MAGI2: variants seen among roughly 807,000 people sequenced by gnomAD.
The protein encoded by MAGI2 is membrane associated guanylate kinase, WW and PDZ domain containing 2, also known as membrane-associated guanylate kinase, WW and PDZ domain-containing protein 2.
In MAGI2, 35 loss-of-function variants were observed where a neutral mutation model predicts 133.3. The observed-to-expected ratio is 0.26, with a 90% CI of 0.20 to 0.35. MAGI2 has a LOEUF of 0.35. MAGI2 is among the 10% of genes least tolerant of loss of function. MAGI2 has a pLI of 1.00. For missense variants in MAGI2, 1,636 were observed against 1,863.4 expected, an observed-to-expected ratio of 0.88 and a Z score of 2.25; for synonymous variants, 729 against 710.6, an observed-to-expected ratio of 1.03 and a Z score of -0.41.
At chr7:79,055,353 C>T (rs187351137) in intron 1 of MAGI2, among the ~76,000 whole-genome samples, 13 of 151,702 alleles carry the variant, frequency 8.6e-5, no homozygotes, top group Non-Finnish European at 2.9e-5. Flanking sequence ...ATAATATGTA[C>T]TCAATTGATA....
intron 1 of MAGI2, among the ~76,000 whole-genome samples, chr7:79,170,943 C>T (rs1273834232): frequency 6.6e-6 from 1 of 152,064 alleles, no homozygotes; most frequent in Non-Finnish European, 1.5e-5. Flanking sequence ...TTTTACAAAA[C>T]AGTTACCTAA....
intron 6 of MAGI2, among the ~76,000 whole-genome samples, chr7:78,408,126 CTTCTG>C (rs1269120253): frequency 6.6e-6 from 1 of 151,920 alleles, no homozygotes; most frequent in Non-Finnish European, 1.5e-5. Flanking sequence ...TCTTCTATTT[CTTCTG>C]TAAGAATATT....
At chr7:78,573,064 T>TATATATAC (rs1801710756) in intron 3 of MAGI2, among the ~76,000 whole-genome samples, 1 of 96,566 alleles carries the variant, frequency 1.0e-5, no homozygotes, top group Non-Finnish European at 2.0e-5. Context: ...TATATATATA[T>TATATATAC]ATATATATAT....
At chr7:79,203,611 C>T (rs750607364) in intron 1 of MAGI2, among the ~76,000 whole-genome samples, 8 of 151,858 alleles carry the variant, frequency 5.3e-5, no homozygotes, top group Non-Finnish European at 1.0e-4. Flanking sequence ...TAGGCATTCA[C>T]TCCTGAAAAA....
At chr7:79,394,625 A>G (rs187691403) in intron 1 of MAGI2, among the ~76,000 whole-genome samples, 2 of 152,342 alleles carry the variant, frequency 1.3e-5, no homozygotes, top group African/African-American at 4.8e-5. Flanking sequence ...TGTCTCATAT[A>G]TGCAGCCAAC....
At chr7:78,435,077 T>A (rs928718045) in intron 6 of MAGI2, among the ~76,000 whole-genome samples, 2 of 152,180 alleles carry the variant, frequency 1.3e-5, no homozygotes, top group African/African-American at 4.8e-5. Context: ...CTTTGCCACC[T>A]GTGTCATCTT....
chr7:78,546,336 A>G (rs1381478650), intron 3 of MAGI2, among the ~76,000 whole-genome samples: 3 of 152,140 alleles, frequency 2.0e-5, no homozygotes, highest in African/African-American at 7.2e-5. Flanking sequence ...TTGCAGCACA[A>G]TATTTGCTAT....
chr7:78,752,322 G>A (rs1192241549), intron 2 of MAGI2, among the ~76,000 whole-genome samples: 1 of 152,166 alleles, frequency 6.6e-6, no homozygotes, highest in Non-Finnish European at 1.5e-5. Context: ...GGTCACAGAG[G>A]CTGGGCTTGG....
chr7:78,994,030 T>C (rs781269050), intron 2 of MAGI2, among the ~76,000 whole-genome samples: 4 of 151,616 alleles, frequency 2.6e-5, no homozygotes, highest in Non-Finnish European at 5.9e-5. Context: ...CACGTGTGTA[T>C]ATCTCGATTC....
intron 6 of MAGI2, among the ~76,000 whole-genome samples, chr7:78,458,676 C>A (rs1446587217): frequency 6.7e-6 from 1 of 149,508 alleles, no homozygotes; most frequent in African/African-American, 2.5e-5. Context: ...ACTCTGTTAC[C>A]CAGGCTGGAG....
At chr7:78,707,394 T>C (rs1335681827) in intron 2 of MAGI2, among the ~76,000 whole-genome samples, 1 of 152,158 alleles carries the variant, frequency 6.6e-6, no homozygotes, top group African/African-American at 2.4e-5. Flanking sequence ...ACTTATTGGA[T>C]ATGCCTAAAT....
intron 9 of MAGI2, among the ~76,000 whole-genome samples, chr7:78,287,308 G>GTTAA: frequency 6.6e-6 from 1 of 152,272 alleles, no homozygotes; most frequent in Admixed American, 6.5e-5. Context: ...GAGAGCTAGT[G>GTTAA]TTAAGGTTCT....
intron 7 of MAGI2, among the ~76,000 whole-genome samples, chr7:78,349,652 C>T (rs1343463934): frequency 6.6e-6 from 1 of 152,192 alleles, no homozygotes; most frequent in Non-Finnish European, 1.5e-5. Flanking sequence ...TTGGACCCCA[C>T]AGACAGCAAA....
chr7:78,231,633 C>T (rs1449865866), intron 10 of MAGI2, among the ~76,000 whole-genome samples: 1 of 152,200 alleles, frequency 6.6e-6, no homozygotes, highest in Non-Finnish European at 1.5e-5. Flanking sequence ...CTGGCACCAT[C>T]TTCAAATAGC....
At chr7:78,577,348 G>A (rs1249436558) in intron 3 of MAGI2, among the ~76,000 whole-genome samples, 1 of 152,004 alleles carries the variant, frequency 6.6e-6, no homozygotes, top group Admixed American at 6.6e-5. Flanking sequence ...GGTCCTAATT[G>A]AATTAAAAGA....
At chr7:78,542,674 A>G (rs1563146232) in intron 3 of MAGI2, among the ~76,000 whole-genome samples, 1 of 152,188 alleles carries the variant, frequency 6.6e-6, no homozygotes, top group Non-Finnish European at 1.5e-5. Context: ...AGGAGCATGT[A>G]GGCACCGATG....
chr7:78,927,827 A>G (rs1013384385), intron 2 of MAGI2, among the ~76,000 whole-genome samples: 3 of 151,940 alleles, frequency 2.0e-5, no homozygotes, highest in Non-Finnish European at 4.4e-5. Context: ...ATTTTCAAAA[A>G]TTAAATTTTC....
At chr7:78,681,951 T>C (rs543314451) in intron 2 of MAGI2, among the ~76,000 whole-genome samples, 1 of 152,202 alleles carries the variant, frequency 6.6e-6, no homozygotes, top group Non-Finnish European at 1.5e-5. Context: ...TGCGAAAGAA[T>C]AGTCTTTAGG....
At chr7:79,403,822 G>A (rs193128780) in intron 1 of MAGI2, among the ~76,000 whole-genome samples, 20 of 152,188 alleles carry the variant, frequency 1.3e-4, no homozygotes, top group African/African-American at 4.3e-4. Context: ...CATTAAATCC[G>A]ACAGATGACT....
Sources: allele counts gnomAD v4.1 joint callset (sites outside exome capture counted in the v4.1 genomes callset), GRCh38; gene constraint gnomAD v4.1.1; transcripts MANE v1.5; gene names NCBI Gene and HGNC (gene_info 2026-07-23, HGNC 2026-07-21).